PIK3C2G: variants seen among roughly 807,000 people sequenced by gnomAD.
The protein encoded by PIK3C2G is phosphatidylinositol-4-phosphate 3-kinase catalytic subunit type 2 gamma.
PIK3C2G carries 168 observed loss-of-function variants against 181.1 expected under a neutral mutation model. That is an observed-to-expected ratio of 0.93 (90% CI 0.82 to 1.05). PIK3C2G has a LOEUF of 1.05. Among genes scored for constraint, PIK3C2G ranks in the 50% least tolerant of loss-of-function variants. The pLI is 0.00. For missense variants in PIK3C2G, 1,869 were observed against 1,732.8 expected (o/e 1.08, Z -1.40); for synonymous variants, 573 against 592.2 (o/e 0.97, Z 0.47).
At chr12:18,526,555 T>A (rs1943245953) in intron 24 of PIK3C2G, among the ~76,000 whole-genome samples, 1 of 152,186 alleles carries the variant, frequency 6.6e-6, no homozygotes, top group African/African-American at 2.4e-5. Context: ...AGGGTACGAT[T>A]TTTCTAAATA....
At chr12:18,313,584 C>A (rs190545949) in intron 5 of PIK3C2G, among the ~76,000 whole-genome samples, 99 of 152,116 alleles carry the variant, frequency 6.5e-4, no homozygotes, top group African/African-American at 2.3e-3. Context: ...ATGCTGTCAT[C>A]AGCTTTGAAC....
intron 9 of PIK3C2G, among the ~76,000 whole-genome samples, chr12:18,341,606 G>T (rs1298198649): frequency 2.6e-5 from 4 of 152,082 alleles, no homozygotes; most frequent in Non-Finnish European, 2.9e-5. Flanking sequence ...TACATCAGTT[G>T]CATTTATACT....
Position 18,425,386 on chromosome 12 carries a change from C to CTTTTTTTTTTTT in PIK3C2G, c.2504+1360_2504+1371dup, listed in dbSNP as rs1228477062. Among the ~76,000 whole-genome samples, 20 of 65,320 alleles carry CTTTTTTTTTTTT rather than the reference C, an allele frequency of 3.1e-4. 4 individuals are homozygous for CTTTTTTTTTTTT. The highest frequency in any genetic ancestry group is 4.0e-4 in the Non-Finnish European group (15 of 37,038). The allele number at this position is 65,320 out of a possible 152,430, so 42.9% of individuals were successfully genotyped here. ...TTCTCTAGCTAAAGGACAGACATTT[C>CTTTTTTTTTTTT]TTTTTTTTTTTTTTTTTTTTTTTTG... On this transcript the variant is annotated intron_variant, in intron 18 of 32. Coordinates refer to ENST00000538779, the MANE Select transcript of PIK3C2G (RefSeq NM_001288772.2).
intron 18 of PIK3C2G, among the ~76,000 whole-genome samples, chr12:18,435,441 A>G (rs1057038185): frequency 2.0e-5 from 3 of 152,048 alleles, no homozygotes; most frequent in Non-Finnish European, 4.4e-5. Flanking sequence ...TAACAACTTG[A>G]TCCCAAACTC....
chr12:18,303,831 A>G (rs1054001495), intron 5 of PIK3C2G, among the ~76,000 whole-genome samples: 2 of 152,122 alleles, frequency 1.3e-5, no homozygotes, highest in Admixed American at 6.5e-5. Flanking sequence ...GTTTCGGCCA[A>G]TTGCTTACAG....
At chr12:18,503,179 G>T in intron 22 of PIK3C2G, 102 bp from the exon 23 acceptor site, 1 of 742,526 alleles carries the variant, frequency 1.3e-6, no homozygotes. Flanking sequence ...AAAAGGAAAG[G>T]GGTAATCCAG....
downstream of PIK3C2G, among the ~76,000 whole-genome samples, chr12:18,652,808 A>G (rs1209385129): frequency 6.7e-6 from 1 of 148,482 alleles, no homozygotes; most frequent in Non-Finnish European, 1.5e-5. Context: ...AAGAATTATT[A>G]TGTCTCCAGA....
At chr12:18,351,804 T>C (rs563785190) in intron 11 of PIK3C2G, among the ~76,000 whole-genome samples, 105 of 152,346 alleles carry the variant, frequency 6.9e-4, no homozygotes, top group Non-Finnish European at 1.2e-3. Context: ...ATGCATAGCT[T>C]ATGACTTGGG....
At position 18,431,986 on chromosome 12, in the gene PIK3C2G, A is replaced by G. The variant is rs79053926; in HGVS notation, c.2504+7947A>G. On this transcript the variant is annotated intron_variant, in intron 18 of 32. Transcript: ENST00000538779. ...AGTGGTAACAAGGTTTCCTTTGTAC[A>G]CAATAATCTGTAAAATCCATTAGCA... Among the ~76,000 whole-genome samples the G allele has an allele frequency of 7.5e-3, 1,136 of 152,332 alleles. 15 individuals are homozygous for G. The highest frequency in any genetic ancestry group is 0.026 in the African/African-American group (1,100 of 41,580).
chr12:18,317,292 T>A (rs1950910708), intron 6 of PIK3C2G, among the ~76,000 whole-genome samples: 1 of 152,096 alleles, frequency 6.6e-6, no homozygotes, highest in Admixed American at 6.5e-5. Flanking sequence ...ATTACAGGCA[T>A]GAGCCACTGT....
At chr12:18,515,019 C>T (rs1942444891) in intron 24 of PIK3C2G, among the ~76,000 whole-genome samples, 2 of 151,880 alleles carry the variant, frequency 1.3e-5, no homozygotes, top group Non-Finnish European at 2.9e-5. Context: ...GTCCTTGATT[C>T]TATTATTGTG....
At chr12:18,355,683 C>A (rs1940662339) in intron 11 of PIK3C2G, among the ~76,000 whole-genome samples, 1 of 152,180 alleles carries the variant, frequency 6.6e-6, no homozygotes, top group Admixed American at 6.5e-5. Flanking sequence ...GCCCAGGCAC[C>A]CAAGCCTGGA....
intron 15 of PIK3C2G, among the ~76,000 whole-genome samples, chr12:18,396,155 G>A (rs1217856846): frequency 1.3e-5 from 2 of 151,474 alleles, no homozygotes; most frequent in African/African-American, 4.8e-5. Flanking sequence ...ACAGGAACAT[G>A]TATATAAGCA....
intron 29 of PIK3C2G, among the ~76,000 whole-genome samples, chr12:18,588,860 G>A (rs923503423): frequency 4.0e-4 from 61 of 152,204 alleles, no homozygotes; most frequent in African/African-American, 1.3e-3. Context: ...CTCAATGGCA[G>A]GTTGGATGAA....
chr12:18,671,826 T>C, the PIK3C2G span, among the ~76,000 whole-genome samples: 4 of 152,164 alleles, frequency 2.6e-5, no homozygotes, highest in Non-Finnish European at 5.9e-5. Context: ...AATTGATTTC[T>C]CACAGTTTTG....
At chr12:18,433,323 C>G (rs187614479) in intron 18 of PIK3C2G, among the ~76,000 whole-genome samples, 3 of 151,974 alleles carry the variant, frequency 2.0e-5, no homozygotes, top group Admixed American at 2.0e-4. Context: ...GACCAGCCTG[C>G]CCAACATGGT....
At chr12:18,705,825 C>CA in the PIK3C2G span, among the ~76,000 whole-genome samples, 4 of 151,962 alleles carry the variant, frequency 2.6e-5, no homozygotes, top group African/African-American at 9.7e-5. Context: ...GAGGTTGCGC[C>CA]ATTGCATTCC....
intron 8 of PIK3C2G, among the ~76,000 whole-genome samples, chr12:18,331,064 T>C (rs1240099817): frequency 6.6e-6 from 1 of 152,176 alleles, no homozygotes; most frequent in Non-Finnish European, 1.5e-5. Context: ...ATAGTTGTAG[T>C]TCTAGACCCC....
chr12:18,325,053 C>T lies in PIK3C2G; in HGVS notation c.1227C>T (p.Leu409=), dbSNP rs143331698. ...TTTCCAGACAATGTCTCTTAACACT[C>T]ATCAGAAAATATGACTTCCACCTGA... ...WKVSRQCLLT[L]IRKYDFHLKY... The change falls in exon 8 of 33, where the codon CTC becomes CTT. Residue 409 remains leucine, a synonymous_variant. Transcript: ENST00000538779. The T allele has an allele frequency of 9.7e-5, 152 of 1,570,996 alleles. No homozygotes were observed. The African/African-American group carries it at 1.6e-3, about 17-fold the overall frequency.
Sources: allele counts gnomAD v4.1 joint callset (sites outside exome capture counted in the v4.1 genomes callset), GRCh38; gene constraint gnomAD v4.1.1; transcripts MANE v1.5; gene names NCBI Gene and HGNC (gene_info 2026-07-23, HGNC 2026-07-21).